The following CSMD1 variants were observed in gnomAD, a reference collection of about 807,000 sequenced individuals.
The protein encoded by CSMD1 is CUB and Sushi multiple domains 1.
CSMD1 carries 213 observed loss-of-function variants against 417.5 expected under a neutral mutation model. The observed-to-expected ratio is 0.51, with a 90% CI of 0.46 to 0.57. The LOEUF is 0.57. CSMD1 is among the 20% of genes least tolerant of loss of function. The pLI, the probability that CSMD1 is intolerant of heterozygous loss-of-function variation, is 0.00. For missense variants in CSMD1, 6,923 were observed against 4,529.7 expected (o/e 1.53, Z -15.17); for synonymous variants, 2,862 against 1,736.8 (o/e 1.65, Z -16.11).
chr8:3,045,971 T>A (rs1282917088), intron 50 of CSMD1, among the ~76,000 whole-genome samples: 1 of 152,222 alleles, frequency 6.6e-6, no homozygotes, highest in African/African-American at 2.4e-5. Flanking sequence ...ATATGGTGTG[T>A]AGCCCTACTT....
intron 3 of CSMD1, among the ~76,000 whole-genome samples, chr8:4,191,197 C>T (rs975759452): frequency 6.6e-6 from 1 of 152,142 alleles, no homozygotes; most frequent in Non-Finnish European, 1.5e-5. Flanking sequence ...GAGATTGAGA[C>T]CATCCCGGCT....
rs919861073 is a variant in CSMD1 at position 4,498,981 on chromosome 8, TA to T, written c.303-78917del. 2.6e-5 allele frequency among the ~76,000 whole-genome samples: 4 copies of T among 152,000 alleles called. 1 individual carries two copies. The South Asian group carries it at 8.3e-4, about 32-fold the overall frequency. On this transcript the variant is annotated intron_variant, in intron 2 of 69. Transcript: ENST00000635120. ...ACTGTAAAGCTAAATTCCTTAGAAT[TA>T]AAAAAAAGTAATTGAAACATTTTCT...
chr8:3,743,725 C>T (rs550540171), intron 6 of CSMD1, among the ~76,000 whole-genome samples: 3 of 152,232 alleles, frequency 2.0e-5, no homozygotes, highest in South Asian at 4.1e-4. Flanking sequence ...GCTGCAAGAT[C>T]GTTACTCCCA....
intron 2 of CSMD1, among the ~76,000 whole-genome samples, chr8:4,578,741 G>A (rs571795376): frequency 1.3e-5 from 2 of 149,538 alleles, no homozygotes; most frequent in South Asian, 4.3e-4. Context: ...TTGAACCTGG[G>A]AGGGGGAGGT....
intron 3 of CSMD1, among the ~76,000 whole-genome samples, chr8:4,383,630 T>A (rs1397517579): frequency 6.6e-6 from 1 of 152,094 alleles, no homozygotes; most frequent in Non-Finnish European, 1.5e-5. Context: ...AAACTGAGAA[T>A]CAACTATGTA....
At chr8:4,581,657 T>C (rs937566699) in intron 2 of CSMD1, among the ~76,000 whole-genome samples, 1 of 152,184 alleles carries the variant, frequency 6.6e-6, no homozygotes, top group African/African-American at 2.4e-5. Context: ...AAAGGGGAGT[T>C]CATTTGAATC....
At chr8:3,607,489 C>T (rs561768453) in intron 8 of CSMD1, among the ~76,000 whole-genome samples, 8 of 152,324 alleles carry the variant, frequency 5.3e-5, no homozygotes, top group African/African-American at 1.7e-4. Flanking sequence ...ATGTGCTAGC[C>T]TTTTCTGTGA....
In CSMD1 at chr8:3,091,513, T is replaced by C. The variant is rs570662425; in HGVS notation, c.7285+3A>G. 131 of 1,597,988 alleles carry C rather than the reference T, an allele frequency of 8.2e-5. 1 individual carries two copies. The highest frequency in any genetic ancestry group is 6.6e-4 in the Middle Eastern group (4 of 6,032). On this transcript the variant is annotated splice_donor_region_variant and intron_variant, in intron 48 of 69. Transcript: ENST00000635120. ...ATATAAAATCTAAACCTCATTTACT[T>C]ACCTGCATAGCGAATCTTGAATCCT...
At chr8:3,373,395 T>C (rs1026232509) in intron 18 of CSMD1, 1 of 152,216 alleles carries the variant, frequency 6.6e-6, no homozygotes, top group East Asian at 1.9e-4. Context: ...CAGGCTTGTT[T>C]AGATTTATAT....
At chr8:3,595,357 C>T (rs1051910696) in intron 8 of CSMD1, among the ~76,000 whole-genome samples, 3 of 152,110 alleles carry the variant, frequency 2.0e-5, no homozygotes, top group African/African-American at 7.2e-5. Context: ...CTTTTATTAC[C>T]CGTTTGACTT....
intron 34 of CSMD1, 95 bp from the exon 35 acceptor site, chr8:3,189,106 A>G: frequency 8.4e-7 from 1 of 1,188,568 alleles, no homozygotes; most frequent in Non-Finnish European, 1.2e-6. Flanking sequence ...ACACAGTAAG[A>G]GAAAATGTAC....
intron 3 of CSMD1, among the ~76,000 whole-genome samples, chr8:4,112,634 C>T (rs1055460992): frequency 5.3e-5 from 8 of 152,178 alleles, no homozygotes; most frequent in African/African-American, 1.9e-4. Flanking sequence ...AGGGACCTGT[C>T]CAAAGGGGAT....
chr8:4,899,472 T>A (rs565577851), intron 1 of CSMD1, among the ~76,000 whole-genome samples: 1 of 152,262 alleles, frequency 6.6e-6, no homozygotes, highest in South Asian at 2.1e-4. Flanking sequence ...CCATAGTCAA[T>A]TAAAGAGAAG....
chr8:3,821,013 T>C (rs559586396), intron 5 of CSMD1, among the ~76,000 whole-genome samples: 59 of 151,848 alleles, frequency 3.9e-4, no homozygotes, highest in African/African-American at 1.4e-3. Context: ...ACATCCCGGG[T>C]TCAAGCGATT....
intron 1 of CSMD1, among the ~76,000 whole-genome samples, chr8:4,735,183 C>G (rs1810149902): frequency 6.6e-6 from 1 of 152,162 alleles, no homozygotes; most frequent in South Asian, 2.1e-4. Flanking sequence ...ATGAGGAATG[C>G]CCCCTTCTCT....
At chr8:3,560,956 G>T (rs1799443931) in intron 10 of CSMD1, among the ~76,000 whole-genome samples, 1 of 152,096 alleles carries the variant, frequency 6.6e-6, no homozygotes, top group Non-Finnish European at 1.5e-5. Flanking sequence ...GATTCACAGA[G>T]CATCCCAATG....
At position 4,492,652 on chromosome 8, in the gene CSMD1, G is replaced by T. The variant is rs971329909; in HGVS notation, c.303-72587C>A. On this transcript the variant is annotated intron_variant, in intron 2 of 69. Coordinates refer to ENST00000635120, the MANE Select transcript of CSMD1 (RefSeq NM_033225.6). ...TAGTGCCGCCTTTGGATTTATATTT[G>T]ATCAAAATATGTAGACAACTGAAGG... Among the ~76,000 whole-genome samples, 3 of 152,090 alleles carry T rather than the reference G, an allele frequency of 2.0e-5. No individual in the cohort carries two copies. The East Asian group carries it at 5.8e-4, about 29-fold the overall frequency.
At chr8:2,995,297 C>T (rs978892357) in intron 54 of CSMD1, among the ~76,000 whole-genome samples, 3 of 152,192 alleles carry the variant, frequency 2.0e-5, no homozygotes, top group Admixed American at 6.5e-5. Flanking sequence ...AGATAAGGTA[C>T]TCACGTCGTT....
chr8:4,889,011 AT>A lies in CSMD1; in HGVS notation c.85+105320del, dbSNP rs529008791. Among the ~76,000 whole-genome samples the A allele has an allele frequency of 3.3e-5, 5 of 152,274 alleles. No homozygotes were observed. In the South Asian group the frequency reaches 1.0e-3, roughly 32 times the overall value. On this transcript the variant is annotated intron_variant, in intron 1 of 69. Transcript: ENST00000635120. ...AAATGATGGAAATAGAAAAATCACCATTTGGCAAACACGATGGCATTTATTG... is the reference window on the plus strand; with the variant it reads ...AAATGATGGAAATAGAAAAATCACCATTGGCAAACACGATGGCATTTATTG...
Sources: gnomAD v4.1 joint callset for allele counts (sites outside exome capture counted in the v4.1 genomes callset) on GRCh38, gnomAD v4.1.1 for gene constraint, MANE v1.5 for transcripts, NCBI Gene and HGNC (gene_info 2026-07-23, HGNC 2026-07-21) for gene names.